ZNF445: variants seen among roughly 807,000 people sequenced by gnomAD.
ZNF445 encodes zinc finger protein 445.
A neutral mutation model predicts 93.9 loss-of-function variants in ZNF445; 19 were observed. The ratio of observed to expected loss-of-function variants is 0.20; its 90% CI spans 0.14 to 0.30. The LOEUF (loss-of-function observed/expected upper bound fraction) is 0.30. Among genes scored for constraint, ZNF445 ranks in the 10% least tolerant of loss-of-function variants. The pLI, the probability that ZNF445 is intolerant of heterozygous loss-of-function variation, is 1.00. For missense variants in ZNF445, 1,058 were observed against 1,259.4 expected (o/e 0.84, Z 2.42); for synonymous variants, 449 against 446.3 (o/e 1.01, Z -0.08).
chr3:44,450,332 A>G, intron 6 of ZNF445, 115 bp downstream of exon 6: 2 of 1,308,948 alleles, frequency 1.5e-6, no homozygotes, highest in Non-Finnish European at 1.1e-6. Flanking sequence ...TGATCTGGTC[A>G]GCAGTTACAG....
In ZNF445 at chr3:44,451,513, T is replaced by C. The variant is rs748878043; in HGVS notation, c.430-31A>G. On this transcript the variant is annotated intron_variant, in intron 3 of 7. Transcript: ENST00000396077. ...AAGAAGAAAATGTTGTGAGAGGATC[T>C]TTCTGGGAATCAGAAAGCAAACTCA... is the stretch of plus-strand genomic sequence containing the variant. 10 of 1,581,898 alleles carry C rather than the reference T, an allele frequency of 6.3e-6. No individual in the cohort carries two copies. The Admixed American group carries it at 1.7e-4, about 27-fold the overall frequency.
chr3:44,449,305 C>T (rs1697926242), intron 7 of ZNF445, among the ~76,000 whole-genome samples: 1 of 151,920 alleles, frequency 6.6e-6, no homozygotes, highest in African/African-American at 2.4e-5. Flanking sequence ...GAGAAGGGGA[C>T]AGGAGAATAG....
At chr3:44,454,634 C>G (rs1698002013) in intron 3 of ZNF445, among the ~76,000 whole-genome samples, 1 of 152,110 alleles carries the variant, frequency 6.6e-6, no homozygotes, top group Non-Finnish European at 1.5e-5. Flanking sequence ...GCCATGTTGC[C>G]CAGGCTGGTC....
In ZNF445 at chr3:44,451,477, C is replaced by T. The variant is rs374051879; in HGVS notation, c.435G>A (p.Pro145=). The change falls in exon 4 of 8, where the codon CCG becomes CCA. Residue 145 remains proline (P), a synonymous_variant. Transcript: ENST00000396077. ...RDLDGTSWRD[P]GPAQSPDVHW... ...GCACATCTGGGCTCTGGGCAGGGCC[C>T]GGGTCCTGGCAAGAAGAAAATGTTG... 132 of 1,600,200 alleles carry T rather than the reference C, an allele frequency of 8.2e-5. No individual in the cohort carries two copies. The highest frequency in any genetic ancestry group is 7.9e-5 in the Non-Finnish European group (92 of 1,170,154).
chr3:44,473,427 C>T (rs1477074883), intron 1 of ZNF445, among the ~76,000 whole-genome samples: 2 of 147,256 alleles, frequency 1.4e-5, no homozygotes, highest in East Asian at 4.0e-4. Flanking sequence ...GCACTCCAGC[C>T]TGGGCAACGA....
At chr3:44,458,155 G>C (rs907351630) in intron 2 of ZNF445, 89 bp downstream of exon 2, 1 of 152,176 alleles carries the variant, frequency 6.6e-6, no homozygotes, top group Non-Finnish European at 1.5e-5. Flanking sequence ...CGGATCACGA[G>C]GTCAAGAGAT....
At chr3:44,473,200 G>A (rs917512904) in intron 1 of ZNF445, among the ~76,000 whole-genome samples, 2 of 152,136 alleles carry the variant, frequency 1.3e-5, no homozygotes, top group African/African-American at 4.8e-5. Context: ...GCTCACACCT[G>A]TAATCCCAGC....
chr3:44,447,827 T>C lies in ZNF445; in HGVS notation c.1844A>G (p.His615Arg). The change falls in exon 8 of 8, where the codon CAT becomes CGT. Residue 615 changes from histidine (H) to arginine (R), a missense_variant. Transcript: ENST00000396077. The surrounding 1 kb of genome is among the most constrained non-coding windows in gnomAD (Gnocchi z 4.7). ...SFHCKSYVLE[H>R]QRIHTQEKPY... ...CTTCTCCTGGGTGTGAATCCTTTGA[T>C]GTTCAAGAACATATGACTTACAGTG... 1 of 1,614,188 alleles carries C rather than the reference T, an allele frequency of 6.2e-7. No individual in the cohort carries two copies. Among genetic ancestry groups the C allele is most frequent in the Non-Finnish European group, 8.5e-7 (1 of 1,180,040 alleles).
Position 44,447,520 on chromosome 3 carries a change from G to T in ZNF445, c.2151C>A (p.Asp717Glu), listed in dbSNP as rs1465929901. The T allele has an allele frequency of 6.2e-7, 1 of 1,614,178 alleles. No individual in the cohort carries two copies. Reference protein sequence around the residue: ...KPYQCSDCGKDFAYRSAFIVH... With the variant: ...KPYQCSDCGKEFAYRSAFIVH... ...CAATAAAGGCTGACCTATAGGCAAA[G>T]TCCTTCCCACAATCGCTACACTGGT... The change falls in exon 8 of 8, where the codon GAC (aspartate) becomes GAA (glutamate). Residue 717 changes from aspartate to glutamate, a missense_variant. Asp to Glu is a conservative substitution (Grantham distance 45). Transcript: ENST00000396077. The surrounding 1 kb of genome is among the most constrained non-coding windows in gnomAD (Gnocchi z 4.7).
At chr3:44,472,757 G>A (rs1463731242) in intron 1 of ZNF445, among the ~76,000 whole-genome samples, 2 of 152,186 alleles carry the variant, frequency 1.3e-5, no homozygotes, top group African/African-American at 4.8e-5. Context: ...TAATGCCACA[G>A]GCTTCTCCCA....
chr3:44,450,591 C>T lies in ZNF445; in HGVS notation c.694-18G>A, dbSNP rs1047463547. On this transcript the variant is annotated intron_variant, in intron 5 of 7. Coordinates refer to ENST00000396077, the MANE Select transcript of ZNF445 (RefSeq NM_181489.6). Reference sequence around the variant, plus strand: ...ATGGTCTCCTGAAAAAACACTGTGCCCTAGAGCTGGTCCACAGCTCCCAGC... The same window carrying T: ...ATGGTCTCCTGAAAAAACACTGTGCTCTAGAGCTGGTCCACAGCTCCCAGC... The T allele has an allele frequency of 7.5e-6, 12 of 1,610,004 alleles. No individual in the cohort carries two copies. In the African/African-American group the frequency reaches 1.5e-4, roughly 20 times the overall value.
intron 2 of ZNF445, among the ~76,000 whole-genome samples, chr3:44,456,225 G>A (rs1698026546): frequency 6.6e-6 from 1 of 152,122 alleles, no homozygotes; most frequent in Non-Finnish European, 1.5e-5. Context: ...AGACCAGCCT[G>A]GGCAACATGG....
chr3:44,471,349 T>G (rs1698266254), intron 1 of ZNF445, among the ~76,000 whole-genome samples: 1 of 152,206 alleles, frequency 6.6e-6, no homozygotes, highest in Admixed American at 6.5e-5. Flanking sequence ...GCCACTGAAC[T>G]GACAAACTAA....
chr3:44,476,480 C>G (rs558633258), intron 1 of ZNF445, among the ~76,000 whole-genome samples: 17 of 152,010 alleles, frequency 1.1e-4, no homozygotes, highest in African/African-American at 3.9e-4. Flanking sequence ...CACACACACA[C>G]GCAGACACAC....
At chr3:44,472,635 C>T (rs1265335809) in intron 1 of ZNF445, among the ~76,000 whole-genome samples, 1 of 152,190 alleles carries the variant, frequency 6.6e-6, no homozygotes, top group African/African-American at 2.4e-5. Flanking sequence ...CAATCATGAA[C>T]ATGAATAAAG....
rs1205401579 is a variant in ZNF445 at position 44,443,627 on chromosome 3, G to C, written c.*2948C>G. On this transcript the variant is annotated 3_prime_UTR_variant, in exon 8 of 8. Coordinates refer to ENST00000396077, the MANE Select transcript of ZNF445 (RefSeq NM_181489.6). ...AAAAATAACCCAGGCGTGGTGGCAG[G>C]CACTTGTAGTCCCAGCTACTGAGGA... 6.6e-6 allele frequency: 1 copy of C among 152,112 alleles called. No homozygotes were observed. The highest frequency in any genetic ancestry group is 1.5e-5 in the Non-Finnish European group (1 of 68,068). The allele number at this position is 152,112 out of a possible 1,614,324, so 9.4% of individuals were successfully genotyped here.
rs1697842825 is a variant in ZNF445, at chr3:44,443,834, C to T, written c.*2741G>A. 6 of 151,318 alleles carry T rather than the reference C, an allele frequency of 4.0e-5. No individual in the cohort carries two copies. Among genetic ancestry groups the T allele is most frequent in the Admixed American group, 4.0e-4 (6 of 15,176 alleles). The allele number at this position is 151,318 out of a possible 1,614,324, so 9.4% of individuals were successfully genotyped here. ...TGATTAGAATGTTTAGAAATAAGCA[C>T]ATTTCATTCTATAAAAATGACAGGT... is the stretch of plus-strand genomic sequence containing the variant. On this transcript the variant is annotated 3_prime_UTR_variant, in exon 8 of 8. Coordinates refer to ENST00000396077, the MANE Select transcript of ZNF445 (RefSeq NM_181489.6).
chr3:44,446,903 T>C lies in ZNF445; in HGVS notation c.2768A>G (p.Gln923Arg), dbSNP rs779010797. 1.2e-6 allele frequency: 2 copies of C among 1,614,216 alleles called. No homozygotes were observed. The highest frequency in any genetic ancestry group is 2.2e-5 in the South Asian group (2 of 91,080). Residue 923 changes from glutamine to arginine, a missense_variant, in exon 8 of 8, where the codon CAG becomes CGG. By Grantham distance (43) the Gln-to-Arg change is conservative. This residue lies in a region of ZNF445 where 387 missense variants were observed against 475.7 expected (regional missense o/e 0.81). Transcript: ENST00000396077. The surrounding 1 kb of genome is among the most constrained non-coding windows in gnomAD (Gnocchi z 4.2). The part of the protein sequence containing the change: ...SHQRKHTRAA[Q>R]AERSPPARSS... ...CCGTGCAGGCGGGCTACGTTCAGCC[T>C]GTGCTGCTCTGGTGTGTTTCCTCTG...
Position 44,446,814 on chromosome 3 carries a change from C to T in ZNF445, c.2857G>A (p.Glu953Lys), listed in dbSNP as rs563176107. ...KLKPSEEMPL[E>K]DCKEACSQSS... The stretch of plus-strand genomic sequence containing the variant: ...TGGCTGCAAGCTTCTTTGCAGTCTT[C>T]GAGGGGCATCTCTTCACTTGGTTTT... Residue 953 changes from glutamate to lysine, a missense_variant, in exon 8 of 8, where the codon GAA becomes AAA. Glu to Lys is a moderately conservative substitution (Grantham distance 56, BLOSUM62 1). Transcript: ENST00000396077. The surrounding 1 kb of genome is among the most constrained non-coding windows in gnomAD (Gnocchi z 4.2). 5.0e-5 allele frequency: 81 copies of T among 1,614,112 alleles called. No individual in the cohort carries two copies. Among genetic ancestry groups the T allele is most frequent in the Admixed American group, 3.7e-4 (22 of 60,024 alleles).
Sources: gnomAD v4.1 joint callset for allele counts (sites outside exome capture counted in the v4.1 genomes callset) on GRCh38, gnomAD v4.1.1 for gene constraint, gnomAD v4.1.1 regional missense constraint, Gnocchi (gnomAD v3.1) non-coding constraint, MANE v1.5 for transcripts, NCBI Gene and HGNC (gene_info 2026-07-23, HGNC 2026-07-21) for gene names.